RSPH14: variants seen among roughly 807,000 people sequenced by gnomAD.
RSPH14 encodes the protein radial spoke head 14 homolog.
RSPH14 carries 20 observed loss-of-function variants against 26.7 expected under a neutral mutation model. The observed-to-expected ratio is 0.75, with a 90% CI of 0.53 to 1.09. The LOEUF (loss-of-function observed/expected upper bound fraction) is 1.09. Ranked by LOEUF, RSPH14 falls within the 50% of genes least tolerant of loss-of-function variation. The pLI is 0.00. For missense variants in RSPH14, 449 were observed against 457.2 expected (o/e 0.98, Z 0.16); for synonymous variants, 177 against 189.3 (o/e 0.93, Z 0.53).
At chr22:23,178,685 G>C in the RSPH14 span, among the ~76,000 whole-genome samples, 1 of 152,212 alleles carries the variant, frequency 6.6e-6, no homozygotes, top group Non-Finnish European at 1.5e-5. Context: ...GGGTTTTCCA[G>C]GGCAGGAATG....
At chr22:23,152,843 C>T in the RSPH14 span, among the ~76,000 whole-genome samples, 7 of 152,196 alleles carry the variant, frequency 4.6e-5, no homozygotes, top group African/African-American at 9.7e-5. Context: ...GCTTGCCTTC[C>T]GAGCTCCTGC....
chr22:23,145,263 T>G (rs1472190822), upstream of RSPH14: 2 of 343,646 alleles, frequency 5.8e-6, no homozygotes, highest in Non-Finnish European at 1.1e-5. Flanking sequence ...CGCCCACCCA[T>G]CCAGCACCGC....
At position 23,131,927 on chromosome 22, in the gene RSPH14, GGAA is replaced by G. The variant is rs373643287; in HGVS notation, c.421+2096_421+2098del. Reference sequence around the variant, plus strand: ...GCTCAACTCCCAGGCCAGATCAGCTGGAAGAAGATGTGCTTCAGGAGCCAAGCA... The same window carrying G: ...GCTCAACTCCCAGGCCAGATCAGCTGGAAGATGTGCTTCAGGAGCCAAGCA... On this transcript the variant is annotated intron_variant, in intron 4 of 6. Coordinates refer to ENST00000216036, the MANE Select transcript of RSPH14 (RefSeq NM_014433.3). Among the ~76,000 whole-genome samples the G allele has an allele frequency of 4.2e-3, 638 of 152,298 alleles. 5 individuals carry two copies. The highest frequency in any genetic ancestry group is 0.013 in the African/African-American group (554 of 41,552).
At chr22:23,103,523 G>C (rs1238305579) in intron 4 of RSPH14, among the ~76,000 whole-genome samples, 1 of 152,148 alleles carries the variant, frequency 6.6e-6, no homozygotes, top group African/African-American at 2.4e-5. Context: ...GCATCTGTTC[G>C]TGTTTACCCC....
intron 4 of RSPH14, among the ~76,000 whole-genome samples, chr22:23,128,152 G>A (rs1189707505): frequency 1.3e-5 from 2 of 152,216 alleles, no homozygotes; most frequent in African/African-American, 4.8e-5. Context: ...ACTTCCGGGG[G>A]ACCCTGAGCT....
chr22:23,087,258 G>A (rs1294609527), intron 4 of RSPH14, among the ~76,000 whole-genome samples: 1 of 152,112 alleles, frequency 6.6e-6, no homozygotes, highest in Non-Finnish European at 1.5e-5. Flanking sequence ...TTGAGCCCAG[G>A]AGTTCGAGAC....
the RSPH14 span, among the ~76,000 whole-genome samples, chr22:23,171,655 C>G: frequency 1.8e-3 from 278 of 152,108 alleles, 1 homozygote; most frequent in African/African-American, 6.0e-3. Flanking sequence ...CCAGCCTGAT[C>G]AACATGGTGA....
chr22:23,141,530 C>T (rs2070601229), intron 1 of RSPH14, among the ~76,000 whole-genome samples: 1 of 152,124 alleles, frequency 6.6e-6, no homozygotes, highest in Non-Finnish European at 1.5e-5. Flanking sequence ...CCCTGCCTCC[C>T]AGAGTTGTCA....
At position 23,093,336 on chromosome 22, in the gene RSPH14, T is replaced by C. The variant is rs183914311; in HGVS notation, c.422-29203A>G. 2.6e-5 allele frequency among the ~76,000 whole-genome samples: 4 copies of C among 152,288 alleles called. No individual in the cohort carries two copies. In the East Asian group the frequency reaches 5.8e-4, roughly 22 times the overall value. On this transcript the variant is annotated intron_variant, in intron 4 of 6. Coordinates refer to ENST00000216036, the MANE Select transcript of RSPH14 (RefSeq NM_014433.3). ...GCGGGAAAGTTCCTCAGCCTCTCCA[T>C]TGATTCCTTCCCTCCCTCCCTCCTT...
intron 4 of RSPH14, among the ~76,000 whole-genome samples, chr22:23,104,697 A>G (rs1240029608): frequency 6.6e-6 from 1 of 152,158 alleles, no homozygotes; most frequent in African/African-American, 2.4e-5. Flanking sequence ...GGGGATCCCT[A>G]GTAACCAGTG....
upstream of RSPH14, among the ~76,000 whole-genome samples, chr22:23,144,301 C>T (rs1376049677): frequency 6.6e-6 from 1 of 152,084 alleles, no homozygotes; most frequent in African/African-American, 2.4e-5. Context: ...TGAGGGTGGA[C>T]ACCATGTCCG....
chr22:23,145,136 C>T (rs951811869), upstream of RSPH14: 4 of 584,360 alleles, frequency 6.8e-6, no homozygotes, highest in Non-Finnish European at 1.2e-5. Flanking sequence ...AGCTCTTATG[C>T]CATAACCGCC....
chr22:23,169,363 A>G, the RSPH14 span, among the ~76,000 whole-genome samples: 1 of 152,238 alleles, frequency 6.6e-6, no homozygotes, highest in African/African-American at 2.4e-5. Context: ...TGGTGGTCAC[A>G]TGGCCACATC....
At chr22:23,061,685 GT>G (rs371909389) in intron 6 of RSPH14, 123 bp downstream of exon 6, 71,541 of 946,946 alleles carry the variant, frequency 0.076, 15 homozygotes, top group Non-Finnish European at 0.081. Flanking sequence ...CCAAGGGGAG[GT>G]TTTTTTTTTT....
intron 4 of RSPH14, among the ~76,000 whole-genome samples, chr22:23,116,576 G>A (rs1016039175): frequency 3.3e-5 from 5 of 152,230 alleles, no homozygotes; most frequent in South Asian, 4.1e-4. Context: ...CCCACTCTGG[G>A]CTCCTCAGGG....
At chr22:23,107,961 C>T (rs969339553) in intron 4 of RSPH14, among the ~76,000 whole-genome samples, 10 of 152,154 alleles carry the variant, frequency 6.6e-5, no homozygotes, top group Admixed American at 5.2e-4. Context: ...AGGCCCAGCC[C>T]GAGTCCCTTC....
the RSPH14 span, chr22:23,162,887 A>C: frequency 3.1e-6 from 1 of 318,438 alleles, no homozygotes; most frequent in Non-Finnish European, 6.2e-6. Context: ...CCTTCAACAT[A>C]TTTTTTGTAG....
chr22:23,074,560 G>A (rs538306585), intron 4 of RSPH14, among the ~76,000 whole-genome samples: 99 of 152,304 alleles, frequency 6.5e-4, no homozygotes, highest in African/African-American at 2.2e-3. Flanking sequence ...GCAACCTGGA[G>A]CCCCTGGCAC....
At chr22:23,146,656 C>T (rs144444349), upstream of RSPH14, 7 of 1,613,936 alleles carry the variant, frequency 4.3e-6, no homozygotes, top group African/African-American at 1.3e-5. Flanking sequence ...CCCTGTGAGC[C>T]GCGACCGTGT....
Sources: gnomAD v4.1 joint callset for allele counts (sites outside exome capture counted in the v4.1 genomes callset) on GRCh38, gnomAD v4.1.1 for gene constraint, MANE v1.5 for transcripts, NCBI Gene and HGNC (gene_info 2026-07-23, HGNC 2026-07-21) for gene names.